The following TGFBR3 variants were observed in gnomAD, a reference collection of about 807,000 sequenced individuals.
TGFBR3 encodes transforming growth factor beta receptor type 3.
A neutral mutation model predicts 87.9 loss-of-function variants in TGFBR3; 46 were observed. The observed-to-expected ratio is 0.52, with a 90% confidence interval of 0.41 to 0.67. The LOEUF is 0.67. Among genes scored for constraint, TGFBR3 ranks in the 30% least tolerant of loss-of-function variants. The pLI, the probability that TGFBR3 is intolerant of heterozygous loss-of-function variation, is 0.00. For missense variants in TGFBR3, 866 were observed against 1,041.9 expected, an observed-to-expected ratio of 0.83 and a Z score of 2.32; for synonymous variants, 381 against 391.6, an observed-to-expected ratio of 0.97 and a Z score of 0.32.
At chr1:91,861,445 T>C in intron 2 of TGFBR3, 26 bp downstream of exon 2, 1 of 1,550,970 alleles carries the variant, frequency 6.4e-7, no homozygotes, top group Non-Finnish European at 8.9e-7. Flanking sequence ...ATATAACAAA[T>C]ATGCAATTTA....
At chr1:91,702,404 T>C (rs1410082256) in intron 14 of TGFBR3, among the ~76,000 whole-genome samples, 2 of 151,970 alleles carry the variant, frequency 1.3e-5, no homozygotes, top group Admixed American at 1.3e-4. Context: ...CCCAGCACTT[T>C]GGGAGGCCGA....
At chr1:91,813,331 A>T (rs1207933452) in intron 2 of TGFBR3, among the ~76,000 whole-genome samples, 1 of 152,184 alleles carries the variant, frequency 6.6e-6, no homozygotes, top group African/African-American at 2.4e-5. Flanking sequence ...TAAAAGCTCT[A>T]TTCTATTGCT....
At chr1:91,734,180 T>G (rs911347541) in intron 5 of TGFBR3, among the ~76,000 whole-genome samples, 2 of 152,228 alleles carry the variant, frequency 1.3e-5, no homozygotes, top group Non-Finnish European at 2.9e-5. Context: ...GATATTTCTA[T>G]CCCTTTGCAA....
chr1:91,868,546 G>C (rs1480099863), intron 1 of TGFBR3, among the ~76,000 whole-genome samples: 2 of 152,102 alleles, frequency 1.3e-5, no homozygotes, highest in African/African-American at 4.8e-5. Flanking sequence ...GGCCCTTCTC[G>C]ATTCTATTTG....
At chr1:91,741,538 T>C (rs1395250022) in intron 4 of TGFBR3, among the ~76,000 whole-genome samples, 4 of 152,034 alleles carry the variant, frequency 2.6e-5, no homozygotes. Context: ...CCAGCCCTTC[T>C]CCCCTCCTTC....
intron 12 of TGFBR3, among the ~76,000 whole-genome samples, chr1:91,712,920 T>C (rs1282583304): frequency 2.0e-5 from 3 of 152,218 alleles, no homozygotes; most frequent in Non-Finnish European, 4.4e-5. Flanking sequence ...CCTAATGTTT[T>C]AATAGTACAA....
chr1:91,833,976 C>T (rs1175300789), intron 2 of TGFBR3, among the ~76,000 whole-genome samples: 1 of 152,192 alleles, frequency 6.6e-6, no homozygotes, highest in East Asian at 1.9e-4. Context: ...TTTAACTCTA[C>T]ACATATTTTC....
chr1:91,771,746 TG>T (rs1674386826), intron 3 of TGFBR3, among the ~76,000 whole-genome samples: 1 of 148,396 alleles, frequency 6.7e-6, no homozygotes, highest in Admixed American at 6.8e-5. Context: ...AAATAATATA[TG>T]AATACTACAC....
At chr1:91,792,995 C>T (rs1004721169) in intron 3 of TGFBR3, among the ~76,000 whole-genome samples, 1 of 152,190 alleles carries the variant, frequency 6.6e-6, no homozygotes, top group African/African-American at 2.4e-5. Flanking sequence ...TACTCTGACC[C>T]GAGGAGAACC....
chr1:91,903,338 CAAAAAAAAAAAAA>C (rs58672104), intron 1 of TGFBR3, among the ~76,000 whole-genome samples: 120 of 50,510 alleles, frequency 2.4e-3, no homozygotes, highest in African/African-American at 6.6e-3. Flanking sequence ...GATTCTGCCT[CAAAAAAAAAAAAA>C]AAAAAAAAAA....
At chr1:91,687,282 G>T (rs1271149108) in intron 16 of TGFBR3, among the ~76,000 whole-genome samples, 1 of 152,152 alleles carries the variant, frequency 6.6e-6, no homozygotes, top group Non-Finnish European at 1.5e-5. Context: ...TCTCACCTGT[G>T]AAGAGCCTCT....
intron 3 of TGFBR3, among the ~76,000 whole-genome samples, chr1:91,791,092 A>G (rs1675175392): frequency 6.6e-6 from 1 of 152,248 alleles, no homozygotes; most frequent in Non-Finnish European, 1.5e-5. Flanking sequence ...AAAGATGTCA[A>G]ATCAGATGGC....
At chr1:91,835,126 A>C (rs540964472) in intron 2 of TGFBR3, among the ~76,000 whole-genome samples, 1 of 152,294 alleles carries the variant, frequency 6.6e-6, no homozygotes, top group South Asian at 2.1e-4. Context: ...TCATAGGCTC[A>C]ATGAGGCAAA....
chr1:91,867,785 G>A (rs1192812242), intron 1 of TGFBR3, among the ~76,000 whole-genome samples: 1 of 152,160 alleles, frequency 6.6e-6, no homozygotes, highest in Non-Finnish European at 1.5e-5. Context: ...TTACCCAGCT[G>A]TGTTACATTG....
At chr1:91,687,917 G>A (rs79177628) in intron 16 of TGFBR3, among the ~76,000 whole-genome samples, 3,410 of 152,246 alleles carry the variant, frequency 0.022, 74 homozygotes, top group African/African-American at 0.06. Context: ...CTAGATCTAC[G>A]TGTTGGATGC....
chr1:91,890,038 G>A (rs1679413053), upstream of TGFBR3, among the ~76,000 whole-genome samples: 1 of 152,122 alleles, frequency 6.6e-6, no homozygotes. Flanking sequence ...TTCTCATGGA[G>A]AACTGCATTC....
chr1:91,732,068 G>T (rs940133386), intron 5 of TGFBR3, among the ~76,000 whole-genome samples: 1 of 152,192 alleles, frequency 6.6e-6, no homozygotes, highest in African/African-American at 2.4e-5. Context: ...TTTGGGGGCA[G>T]GGGGAGTCAC....
chr1:91,748,278 C>T (rs12404261), intron 4 of TGFBR3, among the ~76,000 whole-genome samples: 8,014 of 152,140 alleles, frequency 0.053, 259 homozygotes, highest in Middle Eastern at 0.12. Context: ...AAGGTGGTCT[C>T]CTAGGTCAAA....
intron 1 of TGFBR3, among the ~76,000 whole-genome samples, chr1:91,872,756 C>T (rs1246689271): frequency 6.6e-6 from 1 of 152,154 alleles, no homozygotes; most frequent in Admixed American, 6.5e-5. Flanking sequence ...GGGCAAACCA[C>T]AGGCAGAGAG....
Sources: gnomAD v4.1 joint callset for allele counts (sites outside exome capture counted in the v4.1 genomes callset) on GRCh38, gnomAD v4.1.1 for gene constraint, MANE v1.5 for transcripts, NCBI Gene and HGNC (gene_info 2026-07-23, HGNC 2026-07-21) for gene names.